The following PPP1R1A variants were observed in gnomAD, a reference collection of about 807,000 sequenced individuals.
The protein encoded by PPP1R1A is protein phosphatase 1 regulatory subunit 1A.
Under a neutral mutation model 23.9 loss-of-function variants are expected in PPP1R1A, and 18 were observed. That is an observed-to-expected ratio of 0.75 (90% confidence interval 0.52 to 1.12). PPP1R1A has a LOEUF of 1.12. PPP1R1A is among the 50% of genes most tolerant of loss of function. The pLI is 0.00. For synonymous variants in PPP1R1A, 84 were observed against 80.7 expected (o/e 1.04, Z -0.22); for missense variants, 207 against 223.8 (o/e 0.92, Z 0.48).
rs890775976 is a variant in PPP1R1A, at chr12:54,580,290, A to G, written c.*97T>C. 48 of 1,571,994 alleles carry G rather than the reference A, an allele frequency of 3.1e-5. No individual in the cohort carries two copies. Among genetic ancestry groups the G allele is most frequent in the Non-Finnish European group, 3.8e-5 (44 of 1,159,244 alleles). On this transcript the variant is annotated 3_prime_UTR_variant, in exon 7 of 7. Coordinates refer to ENST00000257905, the MANE Select transcript of PPP1R1A (RefSeq NM_006741.4). ...ACACCAAATTTATCACTTTTTAAAAACAAGAGATTTTCCCCAAAAGTGAAG... is the reference window on the plus strand; with the variant it reads ...ACACCAAATTTATCACTTTTTAAAAGCAAGAGATTTTCCCCAAAAGTGAAG...
intron 1 of PPP1R1A, among the ~76,000 whole-genome samples, chr12:54,585,283 G>A (rs895833629): frequency 1.3e-5 from 2 of 152,184 alleles, no homozygotes; most frequent in Non-Finnish European, 2.9e-5. Flanking sequence ...GCAGGACCCT[G>A]GTCAGGGCCC....
At position 54,581,511 on chromosome 12, in the gene PPP1R1A, C is replaced by T. The variant is rs1957855901; in HGVS notation, c.404-461G>A. The stretch of plus-strand genomic sequence containing the variant: ...TATATCTAGGATAAGGGACATAGCG[C>T]ACTGCTACCAGCTTCCACTTATTGC... On this transcript the variant is annotated intron_variant, in intron 5 of 6. Coordinates refer to ENST00000257905, the MANE Select transcript of PPP1R1A (RefSeq NM_006741.4). This position sits in a 1 kb window ranked among gnomAD's most constrained non-coding sequence, Gnocchi z 4.1. Among the ~76,000 whole-genome samples, 1 of 152,198 alleles carries T rather than the reference C, an allele frequency of 6.6e-6. No homozygotes were observed. Among genetic ancestry groups the T allele is most frequent in the Non-Finnish European group, 1.5e-5 (1 of 68,034 alleles).
Position 54,579,720 on chromosome 12 carries a change from T to C in PPP1R1A, c.*667A>G, listed in dbSNP as rs1032660268. ...TTCTCTATCCATTGTTGCTAACGGGTTGAAATAAGGGACAGCGGTCCCACA... is the reference window on the plus strand; with the variant it reads ...TTCTCTATCCATTGTTGCTAACGGGCTGAAATAAGGGACAGCGGTCCCACA... On this transcript the variant is annotated 3_prime_UTR_variant, in exon 7 of 7. Transcript: ENST00000257905. The C allele has an allele frequency of 9.1e-6, 9 of 985,210 alleles. No individual in the cohort carries two copies. In the East Asian group the frequency reaches 9.1e-4, roughly 99 times the overall value. The allele number at this position is 985,210 out of a possible 1,614,324, so 61.0% of individuals were successfully genotyped here.
In PPP1R1A at chr12:54,581,871, G is replaced by T; in HGVS notation, c.403+105C>A. ...TGAGACAGTTTTTGCCTACTACTAG[G>T]CCTCTCCCAGGCTCCAACTCTTTCC... On this transcript the variant is annotated intron_variant, in intron 5 of 6. Coordinates refer to ENST00000257905, the MANE Select transcript of PPP1R1A (RefSeq NM_006741.4). The surrounding 1 kb of genome is among the most constrained non-coding windows in gnomAD (Gnocchi z 4.1). 7.5e-7 allele frequency: 1 copy of T among 1,340,860 alleles called. No homozygotes were observed. Among genetic ancestry groups the T allele is most frequent in the Non-Finnish European group, 1.0e-6 (1 of 986,558 alleles). The allele number at this position is 1,340,860 out of a possible 1,614,324, so 83.1% of individuals were successfully genotyped here. A position where few individuals can be genotyped will look rare whatever the true frequency, so the allele number is the denominator to read the frequency against.
Position 54,588,423 on chromosome 12 carries a change from G to A in PPP1R1A, c.66C>T (p.Asp22=). The A allele has an allele frequency of 6.7e-7, 1 of 1,500,460 alleles. No individual in the cohort carries two copies. The allele number at this position is 1,500,460 out of a possible 1,614,324, so 92.9% of individuals were successfully genotyped here. A position where few individuals can be genotyped will look rare whatever the true frequency, so the allele number is the denominator to read the frequency against. The change falls in exon 1 of 7, where the codon GAC becomes GAT. Residue 22 remains aspartate (D), a synonymous_variant. Transcript: ENST00000257905. ...FTVPLLEPHL[D]PEAAEQIRRR... is the part of the protein sequence containing the mutation. ...TCCGCACCTGCTCCGCCGCCTCGGG[G>A]TCAAGGTGCGGCTCCAGCAGCGGGA...
At position 54,588,425 on chromosome 12, in the gene PPP1R1A, CA is replaced by C; in HGVS notation, c.63del (p.Asp22ThrfsTer20). On this transcript the variant is annotated frameshift_variant, in exon 1 of 7. Transcript: ENST00000257905. LOFTEE classifies it high-confidence loss of function. ...QFTVPLLEPH[L>X]DPEAAEQIRR... is the part of the protein sequence containing the mutation. The stretch of plus-strand genomic sequence containing the variant: ...CGCACCTGCTCCGCCGCCTCGGGGT[CA>C]AGGTGCGGCTCCAGCAGCGGGACCG... 1 of 1,500,520 alleles carries C rather than the reference CA, an allele frequency of 6.7e-7. No homozygotes were observed. The highest frequency in any genetic ancestry group is 8.9e-7 in the Non-Finnish European group (1 of 1,120,164). The allele number at this position is 1,500,520 out of a possible 1,614,324, so 93.0% of individuals were successfully genotyped here.
At chr12:54,582,329 T>G (rs1957863247) in intron 4 of PPP1R1A, among the ~76,000 whole-genome samples, 198 bp from the exon 5 acceptor site, 2 of 152,104 alleles carry the variant, frequency 1.3e-5, no homozygotes, top group Admixed American at 1.3e-4. Context: ...TAAAAAGTAC[T>G]CTTCTTCACA....
Position 54,580,944 on chromosome 12 carries a change from C to G in PPP1R1A, c.510G>C (p.Ser170=). 4 of 1,611,628 alleles carry G rather than the reference C, an allele frequency of 2.5e-6. No homozygotes were observed. Among genetic ancestry groups the G allele is most frequent in the South Asian group, 1.1e-5 (1 of 91,038 alleles). ...TGGCAGCCCAGCCCTGGGGTCTTAC[C>G]GAGTTGGCTCCCTTGGAATCCAGTG... is the stretch of plus-strand genomic sequence containing the variant. ...IPPLDSKGAN[S]V Residue 170 remains serine (S), a splice_region_variant and synonymous_variant, in exon 6 of 7, where the codon TCG becomes TCC. Coordinates refer to ENST00000257905, the MANE Select transcript of PPP1R1A (RefSeq NM_006741.4).
At chr12:54,583,028 G>A (rs915540951) in intron 3 of PPP1R1A, among the ~76,000 whole-genome samples, 183 bp downstream of exon 3, 1 of 152,162 alleles carries the variant, frequency 6.6e-6, no homozygotes, top group African/African-American at 2.4e-5. Flanking sequence ...GTGTGTGTGT[G>A]TATGTGAGTG....
rs1471114704 is a variant in PPP1R1A at position 54,582,065 on chromosome 12, G to T, written c.314C>A (p.Ala105Asp). 2.5e-6 allele frequency: 4 copies of T among 1,613,730 alleles called. No individual in the cohort carries two copies. The African/African-American group carries it at 5.3e-5, about 22-fold the overall frequency. Residue 105 changes from alanine to aspartate, a missense_variant, in exon 5 of 7, where the codon GCT (alanine) becomes GAT (aspartate). Ala to Asp is a moderately radical substitution (Grantham distance 126). Transcript: ENST00000257905. ...GGACTCCTGGGTTCCTGTGCTCTCA[G>T]CGGCCCCCTCAGGTTCCTCTCCTTG... ...QQQGEEPEGA[A>D]ESTGTQESRP... is the part of the protein sequence containing the mutation.
chr12:54,579,448 A>G lies in PPP1R1A; in HGVS notation c.*939T>C. 1.0e-6 allele frequency: 1 copy of G among 985,400 alleles called. No homozygotes were observed. Among genetic ancestry groups the G allele is most frequent in the Non-Finnish European group, 1.2e-6 (1 of 829,942 alleles). 61.0% of individuals were successfully genotyped at this position (985,400 alleles called of 1,614,324 possible). ...GCAGAAGTGGGACCTGACGCTTCTCAGGCTCTGCTCTTGCCTCTGTACCAC... is the reference window on the plus strand; with the variant it reads ...GCAGAAGTGGGACCTGACGCTTCTCGGGCTCTGCTCTTGCCTCTGTACCAC... On this transcript the variant is annotated 3_prime_UTR_variant, in exon 7 of 7. Transcript: ENST00000257905.
At chr12:54,587,735 A>C (rs548549463) in intron 1 of PPP1R1A, among the ~76,000 whole-genome samples, 1 of 151,614 alleles carries the variant, frequency 6.6e-6, no homozygotes, top group Non-Finnish European at 1.5e-5. Flanking sequence ...TCCCACCTGG[A>C]CTCCCCACTC....
At position 54,588,346 on chromosome 12, in the gene PPP1R1A, T is replaced by C. The variant is rs1222870033; in HGVS notation, c.84+59A>G. ...AGGCAGGGATCCTGGGTCCCACCAG[T>C]CCAGGGGTCCCTCGTCCTTGGCTGG... On this transcript the variant is annotated intron_variant, in intron 1 of 6. Transcript: ENST00000257905. 4 of 1,357,910 alleles carry C rather than the reference T, an allele frequency of 2.9e-6. No homozygotes were observed. The African/African-American group carries it at 6.2e-5, about 21-fold the overall frequency. 84.1% of individuals were successfully genotyped at this position (1,357,910 alleles called of 1,614,324 possible). A position where few individuals can be genotyped will look rare whatever the true frequency, so the allele number is the denominator to read the frequency against.
intron 3 of PPP1R1A, 95 bp from the exon 4 acceptor site, chr12:54,582,890 T>C (rs1957870764): frequency 1.6e-6 from 2 of 1,239,680 alleles, no homozygotes; most frequent in Admixed American, 4.7e-5. Context: ...CCAGCCCCCC[T>C]TGCCTTCCTC....
intron 3 of PPP1R1A, 90 bp downstream of exon 3, chr12:54,583,121 C>A: frequency 7.2e-7 from 1 of 1,389,204 alleles, no homozygotes. Context: ...TCAAAAAGAT[C>A]CTAGAGATGG....
At chr12:54,586,518 C>G (rs1957913066) in intron 1 of PPP1R1A, among the ~76,000 whole-genome samples, 1 of 152,214 alleles carries the variant, frequency 6.6e-6, no homozygotes, top group South Asian at 2.1e-4. Flanking sequence ...TGCTCTATAA[C>G]TCAGAGCTTC....
In PPP1R1A at chr12:54,579,995, A is replaced by C. The variant is rs1303510844; in HGVS notation, c.*392T>G. Reference sequence around the variant, plus strand: ...CTGTGAGGTGGTCGGATCGTTCCTCAATAAGAAAAGAGAACCTGGGGCTTT... The same window carrying C: ...CTGTGAGGTGGTCGGATCGTTCCTCCATAAGAAAAGAGAACCTGGGGCTTT... On this transcript the variant is annotated 3_prime_UTR_variant, in exon 7 of 7. Transcript: ENST00000257905. 2.0e-6 allele frequency: 2 copies of C among 1,008,362 alleles called. No homozygotes were observed. The highest frequency in any genetic ancestry group is 1.1e-4 in the Admixed American group (2 of 18,130). The allele number at this position is 1,008,362 out of a possible 1,614,324, so 62.5% of individuals were successfully genotyped here.
chr12:54,580,865 C>G (rs754395312), intron 6 of PPP1R1A, 79 bp downstream of exon 6: 27 of 1,217,146 alleles, frequency 2.2e-5, no homozygotes, highest in Non-Finnish European at 3.3e-5. Flanking sequence ...TTCCTAGACT[C>G]CAAATATTAG....
rs201983638 is a variant in PPP1R1A at position 54,580,945 on chromosome 12, G to T, written c.509C>A (p.Ser170Ter). The T allele has an allele frequency of 6.2e-7, 1 of 1,611,630 alleles. No homozygotes were observed. The highest frequency in any genetic ancestry group is 1.1e-5 in the South Asian group (1 of 91,036). ...GGCAGCCCAGCCCTGGGGTCTTACCGAGTTGGCTCCCTTGGAATCCAGTGG... is the reference window on the plus strand; with the variant it reads ...GGCAGCCCAGCCCTGGGGTCTTACCTAGTTGGCTCCCTTGGAATCCAGTGG... ...IPPLDSKGAN[S>*]V The change falls in exon 6 of 7, where the codon TCG becomes TAG. Residue 170 changes from serine (S) to a stop codon, truncating the protein, a stop_gained and splice_region_variant. Transcript: ENST00000257905. LOFTEE classifies it high-confidence loss of function.
Sources: gnomAD v4.1 joint callset for allele counts (sites outside exome capture counted in the v4.1 genomes callset) on GRCh38, gnomAD v4.1.1 for gene constraint, Gnocchi (gnomAD v3.1) non-coding constraint, MANE v1.5 for transcripts, NCBI Gene and HGNC (gene_info 2026-07-23, HGNC 2026-07-21) for gene names.